The following BICDL1 variants were observed in gnomAD, a reference collection of about 807,000 sequenced individuals.
BICDL1 encodes the protein BICD family like cargo adaptor 1, also known as BICD family-like cargo adapter 1.
A neutral mutation model predicts 76.8 loss-of-function variants in BICDL1; 20 were observed. The observed-to-expected ratio is 0.26, with a 90% CI of 0.18 to 0.38. The LOEUF (loss-of-function observed/expected upper bound fraction) is 0.38. BICDL1 is among the 10% of genes least tolerant of loss of function. BICDL1 has a pLI of 1.00. For synonymous variants in BICDL1, 383 were observed against 337.1 expected, an observed-to-expected ratio of 1.14 and a Z score of -1.49; for missense variants, 700 against 798.6, an observed-to-expected ratio of 0.88 and a Z score of 1.49.
At position 119,990,201 on chromosome 12, in the gene BICDL1, G is replaced by C. The variant is rs757487906; in HGVS notation, c.333G>C (p.Val111=). 10 of 1,564,698 alleles carry C rather than the reference G, an allele frequency of 6.4e-6. No homozygotes were observed. The African/African-American group carries it at 1.2e-4, about 19-fold the overall frequency. ...TCCGACAGAAGGAGAAGGATCTGGT[G>C]TTGGCGGCCCGGCTGGGTAAGGCGC... ...SVIRQKEKDL[V]LAARLGKALL... is the part of the protein sequence containing the mutation. Residue 111 remains valine, a synonymous_variant, in exon 1 of 10, where the codon GTG becomes GTC. Transcript: ENST00000548673.
chr12:119,995,155 A>G (rs1256441532), intron 1 of BICDL1, among the ~76,000 whole-genome samples: 1 of 152,260 alleles, frequency 6.6e-6, no homozygotes, highest in South Asian at 2.1e-4. Context: ...GAAGGAGAGC[A>G]TAAGCAGAAC....
intron 2 of BICDL1, among the ~76,000 whole-genome samples, chr12:120,034,988 A>G (rs1156422397): frequency 6.6e-6 from 1 of 152,172 alleles, no homozygotes; most frequent in Admixed American, 6.5e-5. Flanking sequence ...TGTGTTATGC[A>G]CAAAGAAGAT....
chr12:120,007,650 ATCT>A (rs1951875089), intron 2 of BICDL1, among the ~76,000 whole-genome samples: 1 of 152,354 alleles, frequency 6.6e-6, no homozygotes, highest in East Asian at 1.9e-4. Flanking sequence ...GCTGAAACTA[ATCT>A]TCTCTGAAAA....
intron 2 of BICDL1, among the ~76,000 whole-genome samples, chr12:120,013,435 C>T (rs896286766): frequency 5.5e-5 from 7 of 128,002 alleles, no homozygotes; most frequent in African/African-American, 2.1e-4. Context: ...ATGTCTTTAA[C>T]CAGAGTGTGT....
At chr12:120,032,199 C>A (rs1952437550) in intron 2 of BICDL1, among the ~76,000 whole-genome samples, 1 of 152,216 alleles carries the variant, frequency 6.6e-6, no homozygotes, top group African/African-American at 2.4e-5. Context: ...CAGGAAGAAT[C>A]TTTTTGAGAA....
At chr12:120,029,639 A>G (rs1041330874) in intron 2 of BICDL1, among the ~76,000 whole-genome samples, 5 of 152,220 alleles carry the variant, frequency 3.3e-5, no homozygotes, top group African/African-American at 1.2e-4. Context: ...AGTGTTTCCC[A>G]AATTTTTTTG....
At chr12:120,036,092 A>T (rs1316865416) in intron 2 of BICDL1, among the ~76,000 whole-genome samples, 18 of 152,206 alleles carry the variant, frequency 1.2e-4, no homozygotes, top group Non-Finnish European at 4.4e-5. Flanking sequence ...GATCTGTTTC[A>T]CTGGTGATGG....
rs1048293081 is a variant in BICDL1, at chr12:120,060,464, T to A, written c.646-1246T>A. Among the ~76,000 whole-genome samples, 169 of 152,296 alleles carry A rather than the reference T, an allele frequency of 1.1e-3. 1 individual carries two copies. The highest frequency in any genetic ancestry group is 3.9e-3 in the African/African-American group (164 of 41,556). On this transcript the variant is annotated intron_variant, in intron 2 of 9. Transcript: ENST00000548673. ...TTCATGTAGCTCTGAACTTCTAAGT[T>A]TTTTAAGGAGTCAGTTGTATATCAG...
intron 2 of BICDL1, among the ~76,000 whole-genome samples, chr12:120,004,725 C>A (rs771032080): frequency 1.5e-4 from 23 of 152,304 alleles, no homozygotes; most frequent in African/African-American, 2.9e-4. Context: ...AGGATAGGGT[C>A]GGCTTCTTAA....
At chr12:120,081,927 TAAAAA>T (rs373206619) in intron 8 of BICDL1, among the ~76,000 whole-genome samples, 3 of 130,874 alleles carry the variant, frequency 2.3e-5, no homozygotes, top group Non-Finnish European at 5.0e-5. Flanking sequence ...CAGAAAGAAT[TAAAAA>T]AAAAAAAAAC....
intron 2 of BICDL1, among the ~76,000 whole-genome samples, chr12:120,009,018 T>C (rs1354001597): frequency 6.6e-6 from 1 of 151,662 alleles, no homozygotes; most frequent in Non-Finnish European, 1.5e-5. Context: ...AGATGGAGTC[T>C]TCCTCTGTCA....
chr12:120,091,710 A>C (rs1874985917), intron 9 of BICDL1: 1 of 985,332 alleles, frequency 1.0e-6, no homozygotes, highest in South Asian at 4.7e-5. Flanking sequence ...GTCCACACTC[A>C]CTGCTACCCC....
intron 2 of BICDL1, among the ~76,000 whole-genome samples, chr12:120,057,818 CTTTTTTTTTTTTTTTTTTTT>C (rs143777152): frequency 1.3e-5 from 1 of 78,324 alleles, no homozygotes; most frequent in Non-Finnish European, 2.2e-5. Context: ...GCGATTCCTG[CTTTTTTTTTTTTTTTTTTTT>C]TTTTTTTTTT....
At chr12:120,092,319 C>T (rs1040979481) in intron 9 of BICDL1, 17 of 985,296 alleles carry the variant, frequency 1.7e-5, no homozygotes, top group Non-Finnish European at 1.9e-5. Flanking sequence ...AGTTGGGGGA[C>T]GGTCCTACCC....
Position 120,067,574 on chromosome 12 carries a change from G to T in BICDL1, c.909+2695G>T, listed in dbSNP as rs138388030. ...CTTGTTTGGTTTGGTTTTTCTGCCTGTGTCTGTCCAGTTGGTGAATCAATT... is the reference window on the plus strand; with the variant it reads ...CTTGTTTGGTTTGGTTTTTCTGCCTTTGTCTGTCCAGTTGGTGAATCAATT... On this transcript the variant is annotated intron_variant, in intron 4 of 9. Transcript: ENST00000548673. Among the ~76,000 whole-genome samples, 642 of 152,336 alleles carry T rather than the reference G, an allele frequency of 4.2e-3. 3 individuals are homozygous for T. The highest frequency in any genetic ancestry group is 0.015 in the African/African-American group (610 of 41,578).
intron 9 of BICDL1, chr12:120,092,108 C>G: frequency 1.0e-6 from 1 of 985,420 alleles, no homozygotes; most frequent in African/African-American, 1.7e-5. Flanking sequence ...ATTTCTAAAG[C>G]AGGAGTTTTC....
At chr12:120,006,754 A>G (rs1428459280) in intron 2 of BICDL1, among the ~76,000 whole-genome samples, 1 of 152,214 alleles carries the variant, frequency 6.6e-6, no homozygotes, top group East Asian at 1.9e-4. Flanking sequence ...AGATGAGATC[A>G]GAGAGGTAAT....
At chr12:120,047,637 T>C (rs1042369538) in intron 2 of BICDL1, among the ~76,000 whole-genome samples, 1 of 152,218 alleles carries the variant, frequency 6.6e-6, no homozygotes, top group African/African-American at 2.4e-5. Context: ...TTCATATATA[T>C]TATTGCATTT....
At chr12:119,994,129 A>T (rs1397853451) in intron 1 of BICDL1, among the ~76,000 whole-genome samples, 1 of 152,164 alleles carries the variant, frequency 6.6e-6, no homozygotes, top group East Asian at 1.9e-4. Flanking sequence ...GGCTGAGTGG[A>T]TTATCTCTTT....
Sources: allele counts gnomAD v4.1 joint callset (sites outside exome capture counted in the v4.1 genomes callset), GRCh38; gene constraint gnomAD v4.1.1; transcripts MANE v1.5; gene names NCBI Gene and HGNC (gene_info 2026-07-23, HGNC 2026-07-21).